MED23: variants seen among roughly 807,000 people sequenced by gnomAD.
The protein encoded by MED23 is mediator of RNA polymerase II transcription subunit 23.
In MED23, 105 loss-of-function variants were observed where a neutral mutation model predicts 163.9. The ratio of observed to expected loss-of-function variants is 0.64; its 90% confidence interval spans 0.55 to 0.75. The LOEUF (loss-of-function observed/expected upper bound fraction) is 0.75. Ranked by LOEUF, MED23 falls within the 30% of genes least tolerant of loss-of-function variation. The pLI is 0.00. For synonymous variants in MED23, 561 were observed against 565.6 expected, an observed-to-expected ratio of 0.99 and a Z score of 0.12; for missense variants, 1,054 against 1,649.0, an observed-to-expected ratio of 0.64 and a Z score of 6.25.
At chr6:131,628,291 C>G, upstream of MED23, 1 of 551,336 alleles carries the variant, frequency 1.8e-6, no homozygotes, top group Non-Finnish European at 3.3e-6. Flanking sequence ...AAACCAGCGG[C>G]GCCACCAGAA....
Position 131,586,748 on chromosome 6 carries a change from C to A in MED23, c.*931G>T. The A allele has an allele frequency of 6.9e-7, 1 of 1,455,778 alleles. No individual in the cohort carries two copies. Among genetic ancestry groups the A allele is most frequent in the Non-Finnish European group, 9.2e-7 (1 of 1,089,888 alleles). The allele number at this position is 1,455,778 out of a possible 1,614,324, so 90.2% of individuals were successfully genotyped here. Reference sequence around the variant, plus strand: ...CCAATGGAGTCGGGAAACAATCACACGGTTTATTCATTCAGCAGACTTTAC... The same window carrying A: ...CCAATGGAGTCGGGAAACAATCACAAGGTTTATTCATTCAGCAGACTTTAC... On this transcript the variant is annotated 3_prime_UTR_variant, in exon 29 of 29. Transcript: ENST00000368068.
At chr6:131,593,770 T>C (rs947283884) in intron 23 of MED23, among the ~76,000 whole-genome samples, 2 of 152,140 alleles carry the variant, frequency 1.3e-5, no homozygotes, top group African/African-American at 4.8e-5. Context: ...CGTTCTCCAG[T>C]AGCACACAGA....
At chr6:131,576,067 T>C (rs1200972802) in intron 30 of MED23, among the ~76,000 whole-genome samples, 2 of 152,232 alleles carry the variant, frequency 1.3e-5, no homozygotes, top group Non-Finnish European at 2.9e-5. Flanking sequence ...TCTGTCTTGT[T>C]TTCCTAACTA....
chr6:131,588,479 C>A (rs565395492), intron 28 of MED23, among the ~76,000 whole-genome samples: 1 of 152,174 alleles, frequency 6.6e-6, no homozygotes, highest in East Asian at 1.9e-4. Context: ...GTTTCTTAGG[C>A]CTAAATGTAA....
In MED23 at chr6:131,592,468, C is replaced by T. The variant is rs1554253076; in HGVS notation, c.3399-8G>A. The T allele has an allele frequency of 1.1e-5, 17 of 1,612,772 alleles. No individual in the cohort carries two copies. Among genetic ancestry groups the T allele is most frequent in the East Asian group, 4.5e-5 (2 of 44,870 alleles). On this transcript the variant is annotated splice_region_variant and splice_polypyrimidine_tract_variant and intron_variant, in intron 24 of 28. Transcript: ENST00000368068. ...CTTGGCACTAAAGGCTGACTGCAAC[C>T]GGCAAAAAAGAATGTAAGTATGAAT...
intron 28 of MED23, among the ~76,000 whole-genome samples, chr6:131,588,255 G>A (rs1774322934): frequency 6.6e-6 from 1 of 152,180 alleles, no homozygotes; most frequent in South Asian, 2.1e-4. Flanking sequence ...GAAGCATGAA[G>A]CATAATTATA....
chr6:131,607,885 T>A (rs2114684194), intron 12 of MED23, 43 bp downstream of exon 12: 2 of 1,594,170 alleles, frequency 1.3e-6, no homozygotes, highest in East Asian at 2.2e-5. Flanking sequence ...TAGACATAAT[T>A]TACTCATCAT....
chr6:131,600,517 A>G (rs182112463), intron 17 of MED23, among the ~76,000 whole-genome samples: 1 of 152,382 alleles, frequency 6.6e-6, no homozygotes, highest in African/African-American at 2.4e-5. Flanking sequence ...AGAATAAAGA[A>G]AGATATCTTT....
chr6:131,608,195 G>C, intron 11 of MED23, 124 bp from the exon 12 acceptor site: 1 of 1,048,138 alleles, frequency 9.5e-7, no homozygotes, highest in Non-Finnish European at 1.4e-6. Context: ...GAGAAAGTCA[G>C]CATCTAACTT....
At chr6:131,583,572 G>C, downstream of MED23, 1 of 1,571,780 alleles carries the variant, frequency 6.4e-7, no homozygotes, top group Non-Finnish European at 8.7e-7. Flanking sequence ...CTGAAACCAA[G>C]TCCCAGCTGA....
At chr6:131,607,840 T>C in intron 12 of MED23, 88 bp downstream of exon 12, 2 of 1,434,002 alleles carry the variant, frequency 1.4e-6, no homozygotes, top group South Asian at 2.3e-5. Flanking sequence ...ACTTTAGAAA[T>C]ACACAAAATC....
At chr6:131,585,694 AACTT>A (rs1774152067), downstream of MED23, among the ~76,000 whole-genome samples, 1 of 152,236 alleles carries the variant, frequency 6.6e-6, no homozygotes, top group South Asian at 2.1e-4. Context: ...AGCCACTCTA[AACTT>A]ACTATTAATT....
intron 4 of MED23, among the ~76,000 whole-genome samples, chr6:131,623,815 T>C (rs1777288119): frequency 6.6e-6 from 1 of 152,224 alleles, no homozygotes; most frequent in Admixed American, 6.5e-5. Flanking sequence ...ATTAAACCTC[T>C]TTCCTTTATA....
intron 28 of MED23, 82 bp from the exon 29 acceptor site, chr6:131,587,928 C>T (rs780641107): frequency 2.3e-4 from 285 of 1,239,768 alleles, no homozygotes; most frequent in Middle Eastern, 4.0e-4. Context: ...TACACATATC[C>T]GGAGACAATA....
chr6:131,586,855 C>T lies in MED23; in HGVS notation c.*824G>A. The T allele has an allele frequency of 1.3e-6, 2 of 1,482,896 alleles. No homozygotes were observed. The highest frequency in any genetic ancestry group is 9.1e-7 in the Non-Finnish European group (1 of 1,093,760). 91.9% of individuals were successfully genotyped at this position (1,482,896 alleles called of 1,614,324 possible). Reference sequence around the variant, plus strand: ...CAAAATCCAAGAAATAAAATGTGTACTGTATTTACAAATATAAAATTTAAA... The same window carrying T: ...CAAAATCCAAGAAATAAAATGTGTATTGTATTTACAAATATAAAATTTAAA... On this transcript the variant is annotated 3_prime_UTR_variant, in exon 29 of 29. Transcript: ENST00000368068.
At chr6:131,617,451 C>T (rs566013296) in intron 9 of MED23, among the ~76,000 whole-genome samples, 2 of 149,672 alleles carry the variant, frequency 1.3e-5, no homozygotes, top group Admixed American at 6.6e-5. Context: ...GAAACAGTTA[C>T]GGCATTAAAT....
intron 22 of MED23, among the ~76,000 whole-genome samples, chr6:131,594,805 AAAACAAAC>A (rs149049119): frequency 1.6e-4 from 12 of 73,010 alleles, no homozygotes; most frequent in African/African-American, 2.3e-4. Context: ...CACTTGTGTT[AAAACAAAC>A]AAACAAACAA....
At chr6:131,579,882 T>C (rs950778990) in intron 30 of MED23, among the ~76,000 whole-genome samples, 10 of 152,016 alleles carry the variant, frequency 6.6e-5, no homozygotes, top group African/African-American at 2.4e-4. Flanking sequence ...GAGAGACAGA[T>C]GTCTATGTTG....
At chr6:131,576,552 C>A in intron 30 of MED23, 1 of 1,050,906 alleles carries the variant, frequency 9.5e-7, no homozygotes, top group Non-Finnish European at 1.5e-6. Flanking sequence ...TCTGTAGGAG[C>A]TCAAAAAATG....
Sources: allele counts gnomAD v4.1 joint callset (sites outside exome capture counted in the v4.1 genomes callset), GRCh38; gene constraint gnomAD v4.1.1; transcripts MANE v1.5; gene names NCBI Gene and HGNC (gene_info 2026-07-23, HGNC 2026-07-21).